IDE: variants seen among roughly 807,000 people sequenced by gnomAD.
IDE encodes the protein insulin-degrading enzyme.
Under a neutral mutation model 133.2 loss-of-function variants are expected in IDE, and 58 were observed. That is an observed-to-expected ratio of 0.44 (90% CI 0.35 to 0.54). The LOEUF (loss-of-function observed/expected upper bound fraction) is 0.54. Among genes scored for constraint, IDE ranks in the 20% least tolerant of loss-of-function variants. The pLI is 0.00. For missense variants in IDE, 981 were observed against 1,234.0 expected, an observed-to-expected ratio of 0.79 and a Z score of 3.07; for synonymous variants, 396 against 421.3, an observed-to-expected ratio of 0.94 and a Z score of 0.73.
intron 2 of IDE, 40 bp from the exon 3 acceptor site, chr10:92,534,825 T>C (rs1321829020): frequency 6.8e-7 from 1 of 1,476,808 alleles, no homozygotes; most frequent in East Asian, 2.3e-5. Flanking sequence ...CATTGTCCTA[T>C]GCTGAAAGTT....
At chr10:92,466,609 G>A (rs1259349243) in intron 19 of IDE, among the ~76,000 whole-genome samples, 2 of 136,518 alleles carry the variant, frequency 1.5e-5, no homozygotes, top group African/African-American at 2.9e-5. Flanking sequence ...AGGCCACCAC[G>A]CCTGGCCCTT....
intron 3 of IDE, among the ~76,000 whole-genome samples, chr10:92,534,017 C>A (rs1317470768): frequency 7.0e-6 from 1 of 142,594 alleles, no homozygotes; most frequent in Non-Finnish European, 1.6e-5. Context: ...GTGCGAAACT[C>A]CGTCTGAAAA....
chr10:92,561,193 T>A (rs953140878), intron 1 of IDE, among the ~76,000 whole-genome samples: 1 of 151,194 alleles, frequency 6.6e-6, no homozygotes, highest in Non-Finnish European at 1.5e-5. Flanking sequence ...GAGGCGGAGG[T>A]TGCAGTAAGC....
In IDE at chr10:92,463,954, C is replaced by G; in HGVS notation, c.2538G>C (p.Leu846Phe). Residue 846 changes from leucine to phenylalanine, a missense_variant, in exon 21 of 25, where the codon TTG (leucine) becomes TTC (phenylalanine). Physicochemically the swap from Leu to Phe is conservative, Grantham distance 22. This residue lies in a region of IDE where 660 missense variants were observed against 894.7 expected (regional missense o/e 0.74). Transcript: ENST00000265986. ...GPRRANGIQG[L>F]RFIIQSEKPP... is the part of the protein sequence containing the mutation. The stretch of plus-strand genomic sequence containing the variant: ...GCTTTTCTGACTGGATGATGAATCT[C>G]AAGCCCTGTATGCCATTAGCTCGAC... 1.2e-6 allele frequency: 2 copies of G among 1,614,210 alleles called. No individual in the cohort carries two copies. Among genetic ancestry groups the G allele is most frequent in the Non-Finnish European group, 1.7e-6 (2 of 1,180,026 alleles).
intron 14 of IDE, 91 bp downstream of exon 14, chr10:92,483,164 C>A: frequency 3.1e-6 from 2 of 641,704 alleles, no homozygotes; most frequent in South Asian, 2.0e-5. Context: ...CCTTTTATTT[C>A]TAGACATGGA....
chr10:92,534,474 T>C, intron 3 of IDE, 104 bp downstream of exon 3: 1 of 739,642 alleles, frequency 1.4e-6, no homozygotes, highest in African/African-American at 1.8e-5. Context: ...CTGTTTAAAA[T>C]ACCTTTTGTT....
chr10:92,475,285 T>C (rs1846194626), intron 16 of IDE, among the ~76,000 whole-genome samples: 1 of 152,206 alleles, frequency 6.6e-6, no homozygotes, highest in African/African-American at 2.4e-5. Context: ...GGTTCTACGC[T>C]ATAAAGCCAT....
At chr10:92,550,132 C>A (rs572422468) in intron 1 of IDE, among the ~76,000 whole-genome samples, 88 of 152,020 alleles carry the variant, frequency 5.8e-4, no homozygotes, top group Non-Finnish European at 1.2e-3. Flanking sequence ...CACGCCATTG[C>A]ACGTCAGCCT....
At chr10:92,474,759 T>C in intron 17 of IDE, 82 bp downstream of exon 17, 1 of 1,253,060 alleles carries the variant, frequency 8.0e-7, no homozygotes, top group Middle Eastern at 2.0e-4. Flanking sequence ...TTTAAAAGTA[T>C]AAACAGTCAA....
intron 15 of IDE, chr10:92,478,705 T>A (rs1241419108): frequency 7.8e-7 from 1 of 1,283,002 alleles, no homozygotes; most frequent in East Asian, 5.6e-5. Context: ...GTGCTGCATA[T>A]GTATACTCTT....
At chr10:92,548,971 C>G (rs1240062178) in intron 1 of IDE, among the ~76,000 whole-genome samples, 2 of 152,078 alleles carry the variant, frequency 1.3e-5, no homozygotes, top group Non-Finnish European at 2.9e-5. Flanking sequence ...GGATATCTCC[C>G]ACAAGAAAGA....
intron 1 of IDE, among the ~76,000 whole-genome samples, chr10:92,565,291 C>T (rs1166570011): frequency 3.4e-5 from 5 of 147,646 alleles, no homozygotes; most frequent in Admixed American, 6.8e-5. Context: ...TGGTGGTGGG[C>T]ACCTGTAATT....
intron 1 of IDE, among the ~76,000 whole-genome samples, chr10:92,543,248 A>G (rs1036907802): frequency 1.3e-5 from 2 of 152,228 alleles, no homozygotes; most frequent in Non-Finnish European, 2.9e-5. Flanking sequence ...GAGAAAAGGC[A>G]TGGAATCAAA....
chr10:92,559,493 T>C (rs1843175081), intron 1 of IDE, among the ~76,000 whole-genome samples: 1 of 152,114 alleles, frequency 6.6e-6, no homozygotes, highest in African/African-American at 2.4e-5. Flanking sequence ...TTTGAAAACA[T>C]TATGTTAAGT....
intron 1 of IDE, among the ~76,000 whole-genome samples, chr10:92,566,149 A>T (rs1207031175): frequency 6.7e-6 from 1 of 150,348 alleles, no homozygotes. Flanking sequence ...TGAACCGAGG[A>T]GTTTAAGACC....
At chr10:92,472,642 C>CTTTTTT (rs35959170) in intron 17 of IDE, among the ~76,000 whole-genome samples, 2 of 125,926 alleles carry the variant, frequency 1.6e-5, no homozygotes, top group Non-Finnish European at 1.7e-5. Context: ...CAACAGAATT[C>CTTTTTT]TTTTTTTTTT....
chr10:92,483,104 T>C, intron 14 of IDE, 151 bp downstream of exon 14: 1 of 580,696 alleles, frequency 1.7e-6, no homozygotes, highest in Non-Finnish European at 3.1e-6. Context: ...TTTACTTTTA[T>C]TTATTTATTT....
At chr10:92,550,730 C>T (rs1231851091) in intron 1 of IDE, among the ~76,000 whole-genome samples, 1 of 145,646 alleles carries the variant, frequency 6.9e-6, no homozygotes, top group Non-Finnish European at 1.5e-5. Context: ...ATTAGCTGGG[C>T]GTGGTGGCAT....
intron 1 of IDE, among the ~76,000 whole-genome samples, chr10:92,557,874 C>CAAAAAA (rs3051565): frequency 4.6e-5 from 5 of 108,326 alleles, no homozygotes; most frequent in African/African-American, 7.3e-5. Flanking sequence ...GATTCCACCT[C>CAAAAAA]AAAAAAAAAA....
Sources: gnomAD v4.1 joint callset for allele counts (sites outside exome capture counted in the v4.1 genomes callset) on GRCh38, gnomAD v4.1.1 for gene constraint, gnomAD v4.1.1 regional missense constraint, MANE v1.5 for transcripts, NCBI Gene and HGNC (gene_info 2026-07-23, HGNC 2026-07-21) for gene names.